Variants in PPARGC1A observed in about 807,000 individuals in gnomAD.
PPARGC1A encodes the protein peroxisome proliferator-activated receptor gamma coactivator 1-alpha.
PPARGC1A carries 25 observed loss-of-function variants against 88.7 expected under a neutral mutation model. The observed-to-expected ratio is 0.28, with a 90% CI of 0.21 to 0.39. The LOEUF is 0.39. PPARGC1A is among the 10% of genes least tolerant of loss of function. PPARGC1A has a pLI of 1.00. For missense variants in PPARGC1A, 880 were observed against 968.7 expected, an observed-to-expected ratio of 0.91 and a Z score of 1.22; for synonymous variants, 363 against 355.6, an observed-to-expected ratio of 1.02 and a Z score of -0.24.
the PPARGC1A span, among the ~76,000 whole-genome samples, chr4:24,106,960 T>A: frequency 5.3e-5 from 8 of 152,192 alleles, no homozygotes; most frequent in African/African-American, 1.9e-4. Context: ...TTAGAGTGCT[T>A]TGTGATATAG....
At chr4:24,204,982 C>A in the PPARGC1A span, among the ~76,000 whole-genome samples, 4 of 152,096 alleles carry the variant, frequency 2.6e-5, no homozygotes, top group African/African-American at 9.7e-5. Flanking sequence ...CCACCACGCC[C>A]AGCTAATTGT....
chr4:23,961,299 G>A, the PPARGC1A span, among the ~76,000 whole-genome samples: 1 of 152,128 alleles, frequency 6.6e-6, no homozygotes, highest in Non-Finnish European at 1.5e-5. Flanking sequence ...CCTAACTGGA[G>A]GATCAGGGAA....
the PPARGC1A span, among the ~76,000 whole-genome samples, chr4:23,935,891 C>T: frequency 2.0e-5 from 3 of 151,796 alleles, no homozygotes; most frequent in Non-Finnish European, 2.9e-5. Flanking sequence ...AAAAAAATTG[C>T]TAAGTTGGTT....
At chr4:24,187,931 G>A in the PPARGC1A span, among the ~76,000 whole-genome samples, 1 of 152,210 alleles carries the variant, frequency 6.6e-6, no homozygotes, top group Non-Finnish European at 1.5e-5. Flanking sequence ...TTTGAAGATG[G>A]AATATTTAAA....
chr4:24,444,150 GC>G, the PPARGC1A span, among the ~76,000 whole-genome samples: 1 of 152,126 alleles, frequency 6.6e-6, no homozygotes, highest in East Asian at 1.9e-4. Context: ...TCCTGCCTCA[GC>G]CTCCCAAGTA....
chr4:24,471,625 C>T, the PPARGC1A span, among the ~76,000 whole-genome samples: 1 of 152,214 alleles, frequency 6.6e-6, no homozygotes, highest in East Asian at 1.9e-4. This position sits in a 1 kb window ranked among gnomAD's most constrained non-coding sequence, Gnocchi z 5.4. Context: ...TCCACGCCCC[C>T]CTTCCGGCGT....
chr4:24,275,085 G>A, the PPARGC1A span, among the ~76,000 whole-genome samples: 1 of 152,214 alleles, frequency 6.6e-6, no homozygotes, highest in Non-Finnish European at 1.5e-5. Flanking sequence ...CCTCACACGG[G>A]AAGTACTGCT....
intron 2 of PPARGC1A, among the ~76,000 whole-genome samples, chr4:23,843,282 T>C (rs1727395336): frequency 2.0e-5 from 3 of 152,112 alleles, no homozygotes; most frequent in Admixed American, 1.3e-4. Flanking sequence ...CGTATAATAT[T>C]GCTATATTAT....
the PPARGC1A span, among the ~76,000 whole-genome samples, chr4:24,086,816 A>G: frequency 3.2e-4 from 48 of 152,194 alleles, no homozygotes; most frequent in Admixed American, 5.2e-4. Flanking sequence ...TCTTCTAAAC[A>G]CTTTCAAGAA....
At chr4:24,156,167 A>T in the PPARGC1A span, among the ~76,000 whole-genome samples, 2 of 152,132 alleles carry the variant, frequency 1.3e-5, no homozygotes, top group African/African-American at 4.8e-5. Flanking sequence ...GCTGGAAATA[A>T]AACCCAGTTT....
At chr4:24,334,656 G>A in the PPARGC1A span, among the ~76,000 whole-genome samples, 126 of 152,322 alleles carry the variant, frequency 8.3e-4, no homozygotes, top group African/African-American at 2.8e-3. Context: ...TAATTACTGA[G>A]TTTGTTTTTC....
the PPARGC1A span, among the ~76,000 whole-genome samples, chr4:24,126,477 C>G: frequency 1.3e-5 from 2 of 152,168 alleles, no homozygotes; most frequent in Non-Finnish European, 1.5e-5. Flanking sequence ...CCCAGGAGGA[C>G]TGAGTAGAAG....
chr4:24,189,989 C>A, the PPARGC1A span, among the ~76,000 whole-genome samples: 1 of 152,238 alleles, frequency 6.6e-6, no homozygotes, highest in Non-Finnish European at 1.5e-5. Context: ...GTGGCCGATG[C>A]AATAAATAAA....
intron 2 of PPARGC1A, among the ~76,000 whole-genome samples, chr4:23,864,136 T>G (rs1731729092): frequency 6.6e-6 from 1 of 152,370 alleles, no homozygotes; most frequent in Admixed American, 6.5e-5. Context: ...TCTAAAATTC[T>G]TAGAGTAGTT....
chr4:23,911,823 T>C, the PPARGC1A span, among the ~76,000 whole-genome samples: 2 of 152,156 alleles, frequency 1.3e-5, no homozygotes, highest in African/African-American at 4.8e-5. Context: ...CTTAACCTAT[T>C]CTTATATGTA....
chr4:23,991,494 G>A, the PPARGC1A span, among the ~76,000 whole-genome samples: 5 of 152,008 alleles, frequency 3.3e-5, no homozygotes, highest in South Asian at 8.3e-4. Flanking sequence ...TTGCATCAGG[G>A]GAGCTTTCCC....
the PPARGC1A span, among the ~76,000 whole-genome samples, chr4:23,964,506 A>G: frequency 1.3e-4 from 20 of 152,232 alleles, no homozygotes; most frequent in Non-Finnish European, 2.8e-4. Context: ...AAAGAGAAGC[A>G]TGCTTAAGAC....
At chr4:23,847,372 C>G (rs60762201) in intron 2 of PPARGC1A, among the ~76,000 whole-genome samples, 4,333 of 152,212 alleles carry the variant, frequency 0.028, 206 homozygotes, top group African/African-American at 0.1. Context: ...AGTCTTCTTT[C>G]CTGAGTCACA....
At chr4:24,049,522 G>A in the PPARGC1A span, among the ~76,000 whole-genome samples, 1 of 151,742 alleles carries the variant, frequency 6.6e-6, no homozygotes, top group Non-Finnish European at 1.5e-5. Flanking sequence ...ATCTTAAAGG[G>A]CATGGAAATT....
Sources: gnomAD v4.1 joint callset for allele counts (sites outside exome capture counted in the v4.1 genomes callset) on GRCh38, gnomAD v4.1.1 for gene constraint, Gnocchi (gnomAD v3.1) non-coding constraint, MANE v1.5 for transcripts, NCBI Gene and HGNC (gene_info 2026-07-23, HGNC 2026-07-21) for gene names.